TBC1D9B: variants seen among roughly 807,000 people sequenced by gnomAD.
TBC1D9B encodes the protein TBC1 domain family, member 9B (with GRAM domain).
TBC1D9B carries 87 observed loss-of-function variants against 121.1 expected under a neutral mutation model. The observed-to-expected ratio is 0.72, with a 90% CI of 0.60 to 0.86. The LOEUF (loss-of-function observed/expected upper bound fraction) is 0.86. TBC1D9B is among the 40% of genes least tolerant of loss of function. The pLI is 0.00. For missense variants in TBC1D9B, 1,540 were observed against 1,628.6 expected, an observed-to-expected ratio of 0.95 and a Z score of 0.94; for synonymous variants, 668 against 670.1, an observed-to-expected ratio of 1.00 and a Z score of 0.05.
At position 179,902,151 on chromosome 5, in the gene TBC1D9B, G is replaced by A. The variant is rs114094735; in HGVS notation, c.229+2551C>T. Among the ~76,000 whole-genome samples the A allele has an allele frequency of 0.017, 2,558 of 152,348 alleles. 71 individuals are homozygous for A. The highest frequency in any genetic ancestry group is 0.058 in the African/African-American group (2,429 of 41,582). On this transcript the variant is annotated intron_variant, in intron 2 of 20. Transcript: ENST00000355235. This position sits in a 1 kb window ranked among gnomAD's most constrained non-coding sequence, Gnocchi z 4.9. ...GCCTCATGGGCTTCCACGTAAAAGCGTGTGCAGACACGTCATGTCCAGAGG... is the reference window on the plus strand; with the variant it reads ...GCCTCATGGGCTTCCACGTAAAAGCATGTGCAGACACGTCATGTCCAGAGG...
chr5:179,878,717 C>T (rs1760437575), intron 9 of TBC1D9B, among the ~76,000 whole-genome samples, 194 bp from the exon 10 acceptor site: 1 of 152,186 alleles, frequency 6.6e-6, no homozygotes, highest in South Asian at 2.1e-4. Flanking sequence ...GCTGACTTGC[C>T]TCTTCCAGCA....
chr5:179,906,169 G>A (rs1490633695), intron 1 of TBC1D9B, among the ~76,000 whole-genome samples: 6 of 152,206 alleles, frequency 3.9e-5, no homozygotes, highest in Non-Finnish European at 8.8e-5. Flanking sequence ...CCACATCCCT[G>A]TCTGCTCCTC....
intron 7 of TBC1D9B, among the ~76,000 whole-genome samples, chr5:179,883,182 A>T (rs902652702): frequency 6.6e-6 from 1 of 152,174 alleles, no homozygotes; most frequent in African/African-American, 2.4e-5. Context: ...TAATCTTTAA[A>T]ATTGAACAGT....
chr5:179,875,781 C>T lies in TBC1D9B; in HGVS notation c.1900+139G>A, dbSNP rs1356726157. ...TAGGCTCTGAGGGGACTTTTATAAA[C>T]CACCGAATGTGTAATACTACCCTCT... On this transcript the variant is annotated intron_variant, in intron 11 of 20. Coordinates refer to ENST00000355235, the MANE Select transcript of TBC1D9B (RefSeq NM_015043.4). The surrounding 1 kb of genome is among the most constrained non-coding windows in gnomAD (Gnocchi z 4.5). 2.7e-5 allele frequency: 16 copies of T among 600,594 alleles called. No homozygotes were observed. The highest frequency in any genetic ancestry group is 3.9e-5 in the Non-Finnish European group (14 of 358,560). 37.2% of individuals were successfully genotyped at this position (600,594 alleles called of 1,614,324 possible).
chr5:179,903,008 G>A (rs757120583), intron 2 of TBC1D9B, among the ~76,000 whole-genome samples: 59 of 152,164 alleles, frequency 3.9e-4, no homozygotes, highest in African/African-American at 1.0e-3. Flanking sequence ...GGTGCCGCCC[G>A]CCCTGTGCTT....
At position 179,862,319 on chromosome 5, in the gene TBC1D9B, T is replaced by G. The variant is rs1759866140; in HGVS notation, c.*1129A>C. ...AGCAGCCCCATGTGGGGGCTAACACTGGACACTGGTCAGTTTCAGCTCCTC... is the reference window on the plus strand; with the variant it reads ...AGCAGCCCCATGTGGGGGCTAACACGGGACACTGGTCAGTTTCAGCTCCTC... On this transcript the variant is annotated 3_prime_UTR_variant, in exon 21 of 21. Coordinates refer to ENST00000355235, the MANE Select transcript of TBC1D9B (RefSeq NM_015043.4). 2 of 313,254 alleles carry G rather than the reference T, an allele frequency of 6.4e-6. No individual in the cohort carries two copies. The highest frequency in any genetic ancestry group is 5.0e-5 in the South Asian group (2 of 40,086). 19.4% of individuals were successfully genotyped at this position (313,254 alleles called of 1,614,324 possible).
At position 179,877,664 on chromosome 5, in the gene TBC1D9B, CAAAAAAAAAAA is replaced by C. The variant is rs564753950; in HGVS notation, c.1782+634_1782+644del. 3.4e-4 allele frequency among the ~76,000 whole-genome samples: 23 copies of C among 66,708 alleles called. No individual in the cohort carries two copies. The East Asian group carries it at 4.8e-3, about 14-fold the overall frequency. The allele number at this position is 66,708 out of a possible 152,430, so 43.8% of individuals were successfully genotyped here. ...GGGAAACAAGAGTGAGATTCTATCT[CAAAAAAAAAAA>C]AAAAAAAAGAAAAGAAAAGAAAAGA... On this transcript the variant is annotated intron_variant, in intron 10 of 20. Coordinates refer to ENST00000355235, the MANE Select transcript of TBC1D9B (RefSeq NM_015043.4).
At chr5:179,896,573 A>G (rs1438589645) in intron 3 of TBC1D9B, among the ~76,000 whole-genome samples, 1 of 152,180 alleles carries the variant, frequency 6.6e-6, no homozygotes, top group Non-Finnish European at 1.5e-5. Context: ...CCCAGGCTGG[A>G]ATGCTGTGGC....
chr5:179,869,540 C>T (rs1477971008), intron 17 of TBC1D9B: 2 of 677,838 alleles, frequency 3.0e-6, no homozygotes, highest in Non-Finnish European at 5.4e-6. Context: ...CCAGCAGTGC[C>T]CGGTCACCCA....
chr5:179,886,481 C>T (rs1470348743), intron 7 of TBC1D9B, among the ~76,000 whole-genome samples: 2 of 152,210 alleles, frequency 1.3e-5, no homozygotes, highest in Non-Finnish European at 2.9e-5. Context: ...CTCAATCCAA[C>T]TTCACTCTTT....
At chr5:179,884,668 T>C (rs1018302867) in intron 7 of TBC1D9B, 3 of 152,318 alleles carry the variant, frequency 2.0e-5, no homozygotes, top group Middle Eastern at 3.4e-3. Flanking sequence ...CAATGGCATA[T>C]GATTCAGCCT....
chr5:179,863,813 C>A lies in TBC1D9B; in HGVS notation c.3337G>T (p.Gly1113Trp), dbSNP rs146018049. 6.2e-6 allele frequency: 10 copies of A among 1,613,560 alleles called. No homozygotes were observed. The highest frequency in any genetic ancestry group is 2.2e-5 in the East Asian group (1 of 44,864). Residue 1113 changes from glycine to tryptophan, a missense_variant, in exon 21 of 21, where the codon GGG becomes TGG. By Grantham distance (184) the Gly-to-Trp change is radical. Coordinates refer to ENST00000355235, the MANE Select transcript of TBC1D9B (RefSeq NM_015043.4). The surrounding 1 kb of genome is among the most constrained non-coding windows in gnomAD (Gnocchi z 4.5). ...GAGCCCTGTCCCTCGCCGCTGCCCC[C>A]CTCCACCACCACCTGGCTCTCCTGT... The part of the protein sequence containing the change: ...APQESQVVVE[G>W]GSGEGQGSPS...
chr5:179,877,713 T>G (rs937124759), intron 10 of TBC1D9B, among the ~76,000 whole-genome samples: 1 of 151,084 alleles, frequency 6.6e-6, no homozygotes, highest in Non-Finnish European at 1.5e-5. Context: ...ATGTGGTCTA[T>G]GTAATATGAT....
chr5:179,897,362 G>C (rs1357873604), intron 3 of TBC1D9B, among the ~76,000 whole-genome samples: 5 of 150,990 alleles, frequency 3.3e-5, no homozygotes. Context: ...GCCCAGGCTG[G>C]AGTGCAGTGG....
chr5:179,903,032 C>T (rs892006444), intron 2 of TBC1D9B, among the ~76,000 whole-genome samples: 19 of 152,126 alleles, frequency 1.2e-4, no homozygotes, highest in African/African-American at 4.6e-4. Flanking sequence ...CTTCCTTGAC[C>T]CTTCCCCTCC....
rs1433019016 is a variant in TBC1D9B, at chr5:179,864,138, A to G, written c.3022-10T>C. ...GCTCAATGAACTGCTCCTTTTAGGG[A>G]GAAAAACAGAAGAACAGGGAGATGG... On this transcript the variant is annotated splice_polypyrimidine_tract_variant and intron_variant, in intron 20 of 20. Coordinates refer to ENST00000355235, the MANE Select transcript of TBC1D9B (RefSeq NM_015043.4). The G allele has an allele frequency of 1.9e-6, 3 of 1,584,640 alleles. No homozygotes were observed. Among genetic ancestry groups the G allele is most frequent in the Non-Finnish European group, 2.6e-6 (3 of 1,161,884 alleles).
Position 179,879,348 on chromosome 5 carries a change from T to G in TBC1D9B, c.1417-151A>C, listed in dbSNP as rs567018932. The G allele has an allele frequency of 3.1e-6, 4 of 1,275,886 alleles. No individual in the cohort carries two copies. The South Asian group carries it at 5.9e-5, about 19-fold the overall frequency. The allele number at this position is 1,275,886 out of a possible 1,614,324, so 79.0% of individuals were successfully genotyped here. On this transcript the variant is annotated intron_variant, in intron 8 of 20. Coordinates refer to ENST00000355235, the MANE Select transcript of TBC1D9B (RefSeq NM_015043.4). ...ATTCCCGGGAAAGACCAGGCCGCGC[T>G]GAGCCACACCTCCCAAGGCTCAGGA...
intron 7 of TBC1D9B, among the ~76,000 whole-genome samples, chr5:179,881,125 C>T (rs901227191): frequency 2.6e-5 from 4 of 152,176 alleles, no homozygotes; most frequent in Admixed American, 6.5e-5. Flanking sequence ...AGGCGGCAAG[C>T]GTGGCACCAA....
At chr5:179,889,771 A>G (rs1283316651) in intron 6 of TBC1D9B, among the ~76,000 whole-genome samples, 2 of 149,536 alleles carry the variant, frequency 1.3e-5, no homozygotes, top group African/African-American at 4.9e-5. Context: ...CTACTCGGGA[A>G]GTTGAGGTGG....
Sources: allele counts gnomAD v4.1 joint callset (sites outside exome capture counted in the v4.1 genomes callset), GRCh38; gene constraint gnomAD v4.1.1; non-coding constraint Gnocchi (gnomAD v3.1); transcripts MANE v1.5; gene names NCBI Gene and HGNC (gene_info 2026-07-23, HGNC 2026-07-21).